SH3GL2: variants seen among roughly 807,000 people sequenced by gnomAD.
SH3GL2 encodes the protein endophilin-A1.
SH3GL2 carries 24 observed loss-of-function variants against 46.0 expected under a neutral mutation model. That is an observed-to-expected ratio of 0.52 (90% CI 0.38 to 0.73). The LOEUF is 0.73. Ranked by LOEUF, SH3GL2 falls within the 30% of genes least tolerant of loss-of-function variation. SH3GL2 has a pLI of 0.00. For synonymous variants in SH3GL2, 196 were observed against 147.1 expected, an observed-to-expected ratio of 1.33 and a Z score of -2.40; for missense variants, 413 against 424.2, an observed-to-expected ratio of 0.97 and a Z score of 0.23.
intron 1 of SH3GL2, among the ~76,000 whole-genome samples, chr9:17,584,767 C>A (rs944055818): frequency 6.6e-6 from 1 of 152,086 alleles, no homozygotes; most frequent in Non-Finnish European, 1.5e-5. Flanking sequence ...CGCTTGAAGT[C>A]AACGATACGG....
chr9:17,590,139 G>A (rs1300933178), intron 1 of SH3GL2: 1 of 152,196 alleles, frequency 6.6e-6, no homozygotes. Flanking sequence ...TGCATATACT[G>A]GTTGCTGAGG....
intron 1 of SH3GL2, among the ~76,000 whole-genome samples, chr9:17,746,312 G>T (rs1342503413): frequency 6.6e-6 from 1 of 152,230 alleles, no homozygotes; most frequent in African/African-American, 2.4e-5. Flanking sequence ...TCCTGACCTC[G>T]TGATCCACCC....
At chr9:17,790,056 G>A (rs895414365) in intron 6 of SH3GL2, among the ~76,000 whole-genome samples, 1 of 152,112 alleles carries the variant, frequency 6.6e-6, no homozygotes, top group Admixed American at 6.5e-5. Flanking sequence ...GGAGCAGGGG[G>A]CATCAGTAGT....
At chr9:17,673,420 A>G (rs1474527078) in intron 1 of SH3GL2, among the ~76,000 whole-genome samples, 1 of 151,172 alleles carries the variant, frequency 6.6e-6, no homozygotes, top group Non-Finnish European at 1.5e-5. Context: ...TGCTGGGATT[A>G]TAGGCATGAG....
chr9:17,718,444 C>T (rs912317115), intron 1 of SH3GL2, among the ~76,000 whole-genome samples: 63 of 152,098 alleles, frequency 4.1e-4, no homozygotes, highest in Non-Finnish European at 4.6e-4. Flanking sequence ...AGATTCTGGC[C>T]AGGTGCAGTG....
At chr9:17,732,782 C>A (rs1295616065) in intron 1 of SH3GL2, among the ~76,000 whole-genome samples, 1 of 152,036 alleles carries the variant, frequency 6.6e-6, no homozygotes, top group Non-Finnish European at 1.5e-5. Flanking sequence ...AAAATGTTCA[C>A]CAACAGCTTT....
chr9:17,714,459 T>C (rs1303468076), intron 1 of SH3GL2, among the ~76,000 whole-genome samples: 1 of 151,746 alleles, frequency 6.6e-6, no homozygotes, highest in African/African-American at 2.4e-5. Context: ...TTCCCTGCCT[T>C]TTTTTGGATT....
At chr9:17,776,346 A>T (rs1400846796) in intron 3 of SH3GL2, among the ~76,000 whole-genome samples, 1 of 152,168 alleles carries the variant, frequency 6.6e-6, no homozygotes, top group Non-Finnish European at 1.5e-5. Flanking sequence ...ATCTTCTGGC[A>T]TCACTGTCCT....
chr9:17,755,065 G>C (rs1323229114), intron 2 of SH3GL2, among the ~76,000 whole-genome samples: 1 of 152,094 alleles, frequency 6.6e-6, no homozygotes, highest in Non-Finnish European at 1.5e-5. Flanking sequence ...TCTTGTGCCG[G>C]TTTTCAGGGG....
At chr9:17,717,555 G>T (rs1229695661) in intron 1 of SH3GL2, among the ~76,000 whole-genome samples, 1 of 152,082 alleles carries the variant, frequency 6.6e-6, no homozygotes, top group South Asian at 2.1e-4. Context: ...GTATCTGTGA[G>T]TGCCTCCTTT....
chr9:17,681,944 G>A (rs185973745), intron 1 of SH3GL2, among the ~76,000 whole-genome samples: 2 of 152,160 alleles, frequency 1.3e-5, no homozygotes, highest in East Asian at 3.9e-4. Context: ...ATGAAAAAAA[G>A]CTCAACATCA....
chr9:17,777,137 T>A (rs1172543477), intron 3 of SH3GL2, among the ~76,000 whole-genome samples: 2 of 152,168 alleles, frequency 1.3e-5, no homozygotes, highest in Non-Finnish European at 2.9e-5. Flanking sequence ...GCTTGTGTGC[T>A]TATGGAAATA....
intron 1 of SH3GL2, among the ~76,000 whole-genome samples, chr9:17,598,552 G>A (rs1818615113): frequency 6.6e-6 from 1 of 152,110 alleles, no homozygotes; most frequent in South Asian, 2.1e-4. Flanking sequence ...CCCACCCCCC[G>A]ACCTGCCCAC....
intron 1 of SH3GL2, among the ~76,000 whole-genome samples, chr9:17,602,070 T>A (rs1042196062): frequency 1.3e-5 from 2 of 152,228 alleles, no homozygotes; most frequent in Non-Finnish European, 2.9e-5. Context: ...TCCCACCTTC[T>A]GAAAACCACA....
chr9:17,775,476 A>T (rs985407280), intron 3 of SH3GL2, among the ~76,000 whole-genome samples: 1 of 152,212 alleles, frequency 6.6e-6, no homozygotes, highest in African/African-American at 2.4e-5. Flanking sequence ...TACGCATTAT[A>T]TATGTAGTAG....
At chr9:17,684,697 C>A (rs1435489437) in intron 1 of SH3GL2, among the ~76,000 whole-genome samples, 2 of 152,034 alleles carry the variant, frequency 1.3e-5, no homozygotes, top group Admixed American at 6.6e-5. Flanking sequence ...AACAAAATTT[C>A]AAAGTCAACC....
At chr9:17,635,367 C>G (rs919583132) in intron 1 of SH3GL2, among the ~76,000 whole-genome samples, 1 of 152,116 alleles carries the variant, frequency 6.6e-6, no homozygotes, top group Non-Finnish European at 1.5e-5. Flanking sequence ...ACCACATTTT[C>G]TTTATCCAGT....
At chr9:17,734,384 G>C (rs1231263460) in intron 1 of SH3GL2, among the ~76,000 whole-genome samples, 1 of 151,996 alleles carries the variant, frequency 6.6e-6, no homozygotes, top group Non-Finnish European at 1.5e-5. Flanking sequence ...CTCTTGCATT[G>C]GTAAAGTACT....
chr9:17,637,885 G>A (rs1224193119), intron 1 of SH3GL2, among the ~76,000 whole-genome samples: 3 of 152,130 alleles, frequency 2.0e-5, no homozygotes, highest in Non-Finnish European at 4.4e-5. Context: ...AGCCGGGCGC[G>A]GTGGCTCAAG....
Sources: allele counts gnomAD v4.1 joint callset (sites outside exome capture counted in the v4.1 genomes callset), GRCh38; gene constraint gnomAD v4.1.1; transcripts MANE v1.5; gene names NCBI Gene and HGNC (gene_info 2026-07-23, HGNC 2026-07-21).